Variants in TSPAN15 observed in about 807,000 individuals in gnomAD.
The protein encoded by TSPAN15 is tetraspanin 15, also known as tetraspanin-15.
Under a neutral mutation model 34.5 loss-of-function variants are expected in TSPAN15, and 20 were observed. That is an observed-to-expected ratio of 0.58 (90% confidence interval 0.41 to 0.84). The LOEUF is 0.84. Among genes scored for constraint, TSPAN15 ranks in the 40% least tolerant of loss-of-function variants. The pLI is 0.00. For missense variants in TSPAN15, 313 were observed against 386.1 expected (o/e 0.81, Z 1.59); for synonymous variants, 155 against 153.9 (o/e 1.01, Z -0.05).
chr10:69,524,918 T>G, the TSPAN15 span, among the ~76,000 whole-genome samples: 1 of 147,442 alleles, frequency 6.8e-6, no homozygotes, highest in African/African-American at 2.5e-5. Flanking sequence ...GTACCTGGGA[T>G]TACAGGCTCC....
the TSPAN15 span, among the ~76,000 whole-genome samples, chr10:69,529,305 G>A: frequency 2.7e-5 from 4 of 147,948 alleles, no homozygotes; most frequent in South Asian, 8.6e-4. Flanking sequence ...CCATGGAGGT[G>A]CAACCCCATG....
chr10:69,485,759 G>A (rs190709445), intron 3 of TSPAN15, among the ~76,000 whole-genome samples: 1 of 123,176 alleles, frequency 8.1e-6, no homozygotes, highest in South Asian at 2.7e-4. Context: ...GTACACAGGG[G>A]CCCAACTGGG....
At chr10:69,546,008 C>A in the TSPAN15 span, among the ~76,000 whole-genome samples, 5 of 150,898 alleles carry the variant, frequency 3.3e-5, no homozygotes, top group South Asian at 4.2e-4. Flanking sequence ...AACAAAAAAA[C>A]CAAACAAACA....
rs573819949 is a variant in TSPAN15 at position 69,454,678 on chromosome 10, G to A, written c.96+2988G>A. ...CTAAAAATACAAAAATTAGCTGGGCGTGGTGGCATGCACCTGTAGTCACAG... is the reference window on the plus strand; with the variant it reads ...CTAAAAATACAAAAATTAGCTGGGCATGGTGGCATGCACCTGTAGTCACAG... On this transcript the variant is annotated intron_variant, in intron 1 of 7. Transcript: ENST00000373290. Among the ~76,000 whole-genome samples the A allele has an allele frequency of 4.6e-5, 7 of 152,126 alleles. No homozygotes were observed. In the East Asian group the frequency reaches 7.7e-4, roughly 17 times the overall value.
intron 1 of TSPAN15, 57 bp downstream of exon 1, chr10:69,451,747 C>G (rs1840973319): frequency 9.0e-6 from 12 of 1,337,360 alleles, no homozygotes; most frequent in Non-Finnish European, 1.2e-5. Context: ...TCCGGCCGCC[C>G]CCTCACTGGC....
chr10:69,517,829 G>A, the TSPAN15 span, among the ~76,000 whole-genome samples: 4 of 152,182 alleles, frequency 2.6e-5, no homozygotes, highest in African/African-American at 9.7e-5. Context: ...TGCATCCAAT[G>A]CCCTGTGGAA....
At chr10:69,512,287 C>T (rs1842422960), downstream of TSPAN15, among the ~76,000 whole-genome samples, 1 of 152,182 alleles carries the variant, frequency 6.6e-6, no homozygotes, top group Non-Finnish European at 1.5e-5. Context: ...AATATTTGTG[C>T]AGCCTACATC....
chr10:69,451,559 C>T lies in TSPAN15; in HGVS notation c.-36C>T, dbSNP rs188415906. Reference sequence around the variant, plus strand: ...GGCTGAGGGACCGAGCCGGAGAGCCCCGGAGCCCCCGTAACCCGCGCGGGG... The same window carrying T: ...GGCTGAGGGACCGAGCCGGAGAGCCTCGGAGCCCCCGTAACCCGCGCGGGG... On this transcript the variant is annotated 5_prime_UTR_variant, in exon 1 of 8. Coordinates refer to ENST00000373290, the MANE Select transcript of TSPAN15 (RefSeq NM_012339.5). The T allele has an allele frequency of 4.1e-4, 564 of 1,388,176 alleles. 9 individuals are homozygous for T. The East Asian group carries it at 0.014, about 35-fold the overall frequency. 86.0% of individuals were successfully genotyped at this position (1,388,176 alleles called of 1,614,324 possible). A position where few individuals can be genotyped will look rare whatever the true frequency, so the allele number is the denominator to read the frequency against.
chr10:69,531,406 C>T, the TSPAN15 span, among the ~76,000 whole-genome samples: 1 of 152,100 alleles, frequency 6.6e-6, no homozygotes, highest in Non-Finnish European at 1.5e-5. Context: ...TGAGACCAGC[C>T]TGGGCAACAC....
At chr10:69,540,210 G>C in the TSPAN15 span, among the ~76,000 whole-genome samples, 1 of 152,006 alleles carries the variant, frequency 6.6e-6, no homozygotes, top group Non-Finnish European at 1.5e-5. Flanking sequence ...AGCTAACACG[G>C]TGAAACCCCA....
chr10:69,475,979 A>G (rs1841605895), intron 1 of TSPAN15, among the ~76,000 whole-genome samples: 1 of 152,136 alleles, frequency 6.6e-6, no homozygotes, highest in African/African-American at 2.4e-5. Context: ...ATAAATATTT[A>G]TTTATTATTT....
chr10:69,522,938 T>C, the TSPAN15 span, among the ~76,000 whole-genome samples: 1 of 148,156 alleles, frequency 6.7e-6, no homozygotes, highest in South Asian at 2.1e-4. Flanking sequence ...AAGTCCAATT[T>C]ATCTATTTTT....
chr10:69,543,887 GT>G, the TSPAN15 span, among the ~76,000 whole-genome samples: 1 of 146,828 alleles, frequency 6.8e-6, no homozygotes, highest in African/African-American at 2.5e-5. Flanking sequence ...GTGTGTGTGT[GT>G]GTGTGTGTGT....
rs1842348627 is a variant in TSPAN15, at chr10:69,507,174, C to T, written c.*196C>T. 4.2e-6 allele frequency: 6 copies of T among 1,425,062 alleles called. No homozygotes were observed. Among genetic ancestry groups the T allele is most frequent in the Non-Finnish European group, 5.5e-6 (6 of 1,096,276 alleles). 88.3% of individuals were successfully genotyped at this position (1,425,062 alleles called of 1,614,324 possible). On this transcript the variant is annotated 3_prime_UTR_variant, in exon 8 of 8. Coordinates refer to ENST00000373290, the MANE Select transcript of TSPAN15 (RefSeq NM_012339.5). ...CAGAGCCTGGGCCTCCCCTAAGAGG[C>T]TTTCCCCGAGGCAGCTCTGGAATCT...
At chr10:69,455,625 T>TG (rs1554830570) in intron 1 of TSPAN15, among the ~76,000 whole-genome samples, 6 of 82,894 alleles carry the variant, frequency 7.2e-5, no homozygotes, top group Admixed American at 2.4e-4. Context: ...TCTCTCTCTC[T>TG]CCCCCCCCCG....
Position 69,507,649 on chromosome 10 carries a change from ATGTTTT to A in TSPAN15, c.*673_*678del. 8.7e-7 allele frequency: 1 copy of A among 1,153,888 alleles called. No individual in the cohort carries two copies. The highest frequency in any genetic ancestry group is 1.1e-6 in the Non-Finnish European group (1 of 917,820). The allele number at this position is 1,153,888 out of a possible 1,614,324, so 71.5% of individuals were successfully genotyped here. Reference sequence around the variant, plus strand: ...AGTTTGTTAATCAAACAATAAAAACATGTTTTTTTTTTTTTTTTTTTTTTGCCTTTC... The same window carrying A: ...AGTTTGTTAATCAAACAATAAAAACATTTTTTTTTTTTTTTTTTGCCTTTC... On this transcript the variant is annotated 3_prime_UTR_variant, in exon 8 of 8. Transcript: ENST00000373290.
chr10:69,500,982 T>G (rs1490496055), intron 5 of TSPAN15, among the ~76,000 whole-genome samples: 1 of 152,196 alleles, frequency 6.6e-6, no homozygotes, highest in Non-Finnish European at 1.5e-5. Context: ...ACATTCTGGC[T>G]GTATTTTGCA....
At chr10:69,455,728 G>A (rs1278302916) in intron 1 of TSPAN15, among the ~76,000 whole-genome samples, 8 of 148,454 alleles carry the variant, frequency 5.4e-5, no homozygotes, top group African/African-American at 2.0e-4. Flanking sequence ...ATATGTCTGT[G>A]GAGTAATTCT....
At chr10:69,536,641 G>A in the TSPAN15 span, among the ~76,000 whole-genome samples, 1 of 152,204 alleles carries the variant, frequency 6.6e-6, no homozygotes, top group Admixed American at 6.5e-5. Flanking sequence ...ATCTTGCTGT[G>A]TCCTTTTCTC....
Sources: allele counts gnomAD v4.1 joint callset (sites outside exome capture counted in the v4.1 genomes callset), GRCh38; gene constraint gnomAD v4.1.1; transcripts MANE v1.5; gene names NCBI Gene and HGNC (gene_info 2026-07-23, HGNC 2026-07-21).